Variants in ACSBG1 observed in about 807,000 individuals in gnomAD.
ACSBG1 encodes long-chain-fatty-acid--CoA ligase ACSBG1.
In ACSBG1, 39 loss-of-function variants were observed where a neutral mutation model predicts 80.2. That is an observed-to-expected ratio of 0.49 (90% CI 0.38 to 0.64). The LOEUF (loss-of-function observed/expected upper bound fraction) is 0.64, where lower values mean the gene tolerates loss of function less well. Among genes scored for constraint, ACSBG1 ranks in the 30% least tolerant of loss-of-function variants. ACSBG1 has a pLI of 0.00. For synonymous variants in ACSBG1, 392 were observed against 379.5 expected, an observed-to-expected ratio of 1.03 and a Z score of -0.38; for missense variants, 828 against 966.4, an observed-to-expected ratio of 0.86 and a Z score of 1.90.
At chr15:78,233,625 C>T (rs1057485509) in intron 1 of ACSBG1, among the ~76,000 whole-genome samples, 1 of 152,254 alleles carries the variant, frequency 6.6e-6, no homozygotes, top group African/African-American at 2.4e-5. Context: ...ACCTCCTTCT[C>T]TCTGCCCCTT....
chr15:78,174,810 C>A, intron 11 of ACSBG1: 1 of 466,900 alleles, frequency 2.1e-6, no homozygotes, highest in Non-Finnish European at 3.9e-6. Flanking sequence ...CTGCCAGTCC[C>A]AGTTCCTGCC....
intron 1 of ACSBG1, among the ~76,000 whole-genome samples, chr15:78,216,460 G>A (rs1449647928): frequency 1.3e-5 from 2 of 152,190 alleles, no homozygotes; most frequent in Non-Finnish European, 2.9e-5. Context: ...CAAGGCCAAG[G>A]TGATAGGCAT....
intron 2 of ACSBG1, among the ~76,000 whole-genome samples, chr15:78,207,143 C>T (rs1230853574): frequency 6.6e-6 from 1 of 152,226 alleles, no homozygotes; most frequent in East Asian, 1.9e-4. Flanking sequence ...ACCAAGCTGT[C>T]CCTGTTCCTG....
intron 1 of ACSBG1, among the ~76,000 whole-genome samples, chr15:78,230,690 G>A (rs1272926221): frequency 1.3e-5 from 2 of 152,190 alleles, no homozygotes; most frequent in Non-Finnish European, 1.5e-5. Flanking sequence ...CAAGATCTGA[G>A]GATTATTATA....
At chr15:78,173,564 C>T in intron 13 of ACSBG1, 29 bp downstream of exon 13, 1 of 1,609,904 alleles carries the variant, frequency 6.2e-7, no homozygotes, top group Non-Finnish European at 8.5e-7. Flanking sequence ...CCCACACAGC[C>T]CTTGCAATGG....
At chr15:78,232,292 A>G (rs2075452788) in intron 1 of ACSBG1, among the ~76,000 whole-genome samples, 2 of 152,168 alleles carry the variant, frequency 1.3e-5, no homozygotes, top group Admixed American at 6.5e-5. Context: ...ACTCAGCAAG[A>G]AAGTAGTAGA....
At position 78,182,940 on chromosome 15, in the gene ACSBG1, A is replaced by G. The variant is rs548498672; in HGVS notation, c.664-155T>C. On this transcript the variant is annotated intron_variant, in intron 5 of 13. Transcript: ENST00000258873. ...GCAGGACAACTGCCACCCTTCACCC[A>G]TAGTTTCCCTCCTGAGAACTTGGGA... is the stretch of plus-strand genomic sequence containing the variant. 2.8e-5 allele frequency: 21 copies of G among 740,932 alleles called. No homozygotes were observed. The African/African-American group carries it at 3.0e-4, about 10-fold the overall frequency. 45.9% of individuals were successfully genotyped at this position (740,932 alleles called of 1,614,324 possible).
At chr15:78,185,360 G>A (rs2074991090) in intron 5 of ACSBG1, among the ~76,000 whole-genome samples, 1 of 152,124 alleles carries the variant, frequency 6.6e-6, no homozygotes, top group African/African-American at 2.4e-5. Context: ...CAGCATGGAG[G>A]GACCCCATCA....
intron 9 of ACSBG1, 31 bp from the exon 10 acceptor site, chr15:78,179,811 G>A (rs1251924463): frequency 8.0e-7 from 1 of 1,253,694 alleles, no homozygotes; most frequent in Non-Finnish European, 1.1e-6. Context: ...GTTCACAGAA[G>A]AAATCACACA....
intron 6 of ACSBG1, 28 bp from the exon 7 acceptor site, chr15:78,182,643 G>A: frequency 6.2e-7 from 1 of 1,613,772 alleles, no homozygotes; most frequent in Non-Finnish European, 8.5e-7. Flanking sequence ...GAGCAGGCAG[G>A]CTAGGTCAGC....
chr15:78,228,245 A>G (rs779906978), intron 1 of ACSBG1, among the ~76,000 whole-genome samples: 1 of 152,174 alleles, frequency 6.6e-6, no homozygotes, highest in Admixed American at 6.5e-5. Context: ...GCTGGGATCC[A>G]GGGGTCTCTC....
intron 8 of ACSBG1, 34 bp from the exon 9 acceptor site, chr15:78,180,970 C>A: frequency 6.3e-7 from 1 of 1,597,468 alleles, no homozygotes; most frequent in South Asian, 1.1e-5. Context: ...CCTGTTGGGT[C>A]AGGGGCATCT....
intron 1 of ACSBG1, among the ~76,000 whole-genome samples, chr15:78,224,507 C>T (rs2075384627): frequency 2.0e-5 from 3 of 152,058 alleles, no homozygotes; most frequent in African/African-American, 4.8e-5. Flanking sequence ...ATCACAAGAT[C>T]AGGAGATCGA....
intron 4 of ACSBG1, 91 bp downstream of exon 4, chr15:78,193,841 G>A: frequency 6.7e-7 from 1 of 1,501,742 alleles, no homozygotes; most frequent in Non-Finnish European, 9.1e-7. Context: ...TGGGGAGTGG[G>A]TGGGGGCTGC....
At chr15:78,201,363 C>G (rs1378861342) in intron 2 of ACSBG1, among the ~76,000 whole-genome samples, 2 of 152,238 alleles carry the variant, frequency 1.3e-5, no homozygotes, top group African/African-American at 4.8e-5. Flanking sequence ...CCTTGCCCCC[C>G]AGGGAGGCCA....
intron 7 of ACSBG1, 31 bp downstream of exon 7, chr15:78,182,434 AC>A (rs66983917): frequency 0.33 from 521,633 of 1,602,262 alleles, 89,828 homozygotes; most frequent in Non-Finnish European, 0.36. Flanking sequence ...ACCCCCTTGC[AC>A]CCCCCCCACC....
chr15:78,190,743 GTA>G (rs1378155739), intron 5 of ACSBG1, among the ~76,000 whole-genome samples: 1 of 152,052 alleles, frequency 6.6e-6, no homozygotes, highest in Non-Finnish European at 1.5e-5. Flanking sequence ...ATGGGAACTG[GTA>G]TCTTGGAGAG....
intron 1 of ACSBG1, chr15:78,209,269 G>A (rs1035361797): frequency 1.8e-5 from 8 of 455,682 alleles, no homozygotes; most frequent in East Asian, 7.0e-5. Flanking sequence ...GTTTTAAAGC[G>A]AAAGATATCA....
At chr15:78,223,128 C>G (rs2075371653) in intron 1 of ACSBG1, among the ~76,000 whole-genome samples, 1 of 152,196 alleles carries the variant, frequency 6.6e-6, no homozygotes, top group Non-Finnish European at 1.5e-5. Context: ...CCACCTGACT[C>G]TCTCAGGGCA....
Sources: gnomAD v4.1 joint callset for allele counts (sites outside exome capture counted in the v4.1 genomes callset) on GRCh38, gnomAD v4.1.1 for gene constraint, MANE v1.5 for transcripts, NCBI Gene and HGNC (gene_info 2026-07-23, HGNC 2026-07-21) for gene names.